BLK: variants seen among roughly 807,000 people sequenced by gnomAD.
The protein encoded by BLK is BLK proto-oncogene, Src family tyrosine kinase.
In BLK, 64 loss-of-function variants were observed where a neutral mutation model predicts 61.8. The ratio of observed to expected loss-of-function variants is 1.03; its 90% CI spans 0.85 to 1.27. The LOEUF is 1.27. Among genes scored for constraint, BLK ranks in the 50% most tolerant of loss-of-function variants. BLK has a pLI of 0.00. For synonymous variants in BLK, 351 were observed against 272.0 expected (o/e 1.29, Z -2.86); for missense variants, 853 against 660.5 (o/e 1.29, Z -3.19).
At chr8:11,554,715 C>T (rs1219872923) in intron 6 of BLK, 28 bp from the exon 7 acceptor site, 1 of 1,611,098 alleles carries the variant, frequency 6.2e-7, no homozygotes, top group Non-Finnish European at 8.5e-7. Context: ...TGCCTTACTT[C>T]TCGTGTGTGT....
In BLK at chr8:11,550,239, T is replaced by C. The variant is rs200916733; in HGVS notation, c.449T>C (p.Ile150Thr). The change falls in exon 6 of 13, where the codon ATC becomes ACC. Residue 150 changes from isoleucine (I) to threonine (T), a missense_variant. Physicochemically the swap from Ile to Thr is moderately conservative, Grantham distance 89. Coordinates refer to ENST00000259089, the MANE Select transcript of BLK (RefSeq NM_001715.3). ...ATCAACAAGGCCGGCTCCTTTCTTA[T>C]CAGAGAGAGTGAAACCAACAAAGGT... ...APINKAGSFL[I>T]RESETNKGAF... The C allele has an allele frequency of 1.9e-6, 3 of 1,613,848 alleles. No homozygotes were observed. The highest frequency in any genetic ancestry group is 1.3e-5 in the African/African-American group (1 of 74,930).
chr8:11,547,169 C>A (rs1800684832), intron 3 of BLK, among the ~76,000 whole-genome samples: 1 of 152,264 alleles, frequency 6.6e-6, no homozygotes, highest in Non-Finnish European at 1.5e-5. Context: ...AGATGCGACC[C>A]CTTCCCTGGA....
At position 11,564,086 on chromosome 8, in the gene BLK, G is replaced by C. The variant is rs770844410; in HGVS notation, c.1496G>C (p.Arg499Pro). ...VLEDFYTATERQYELQP is the reference protein window; with the variant it reads ...VLEDFYTATEPQYELQP ...GAGGACTTCTACACGGCCACCGAGCGGCAGTACGAGCTGCAGCCCTAGCCG... is the reference window on the plus strand; with the variant it reads ...GAGGACTTCTACACGGCCACCGAGCCGCAGTACGAGCTGCAGCCCTAGCCG... Residue 499 changes from arginine to proline, a missense_variant, in exon 13 of 13, where the codon CGG (arginine) becomes CCG (proline). Physicochemically the swap from Arg to Pro is moderately radical, Grantham distance 103. Transcript: ENST00000259089. 5.7e-6 allele frequency: 9 copies of C among 1,585,834 alleles called. No individual in the cohort carries two copies. The highest frequency in any genetic ancestry group is 5.6e-5 in the South Asian group (5 of 88,712).
At chr8:11,526,774 T>C (rs1425193492) in intron 1 of BLK, among the ~76,000 whole-genome samples, 2 of 149,260 alleles carry the variant, frequency 1.3e-5, no homozygotes, top group Non-Finnish European at 3.0e-5. Context: ...TTTTACTGTG[T>C]TTCATCAGTA....
chr8:11,553,307 C>A, intron 6 of BLK: 1 of 373,214 alleles, frequency 2.7e-6, no homozygotes, highest in Non-Finnish European at 5.3e-6. Context: ...GGCGGTCCTT[C>A]AGTGCTGAGA....
intron 1 of BLK, among the ~76,000 whole-genome samples, chr8:11,497,156 C>T (rs1798389474): frequency 1.3e-5 from 2 of 152,164 alleles, no homozygotes; most frequent in Non-Finnish European, 2.9e-5. Flanking sequence ...CGCAGGAAGA[C>T]AGCACGTAGA....
At chr8:11,503,715 G>A (rs186379892) in intron 1 of BLK, among the ~76,000 whole-genome samples, 1 of 152,304 alleles carries the variant, frequency 6.6e-6, no homozygotes, top group African/African-American at 2.4e-5. Flanking sequence ...CCAGACTGGA[G>A]GTTCCTATGT....
At chr8:11,554,256 G>C (rs1801071018) in intron 6 of BLK, 1 of 198,134 alleles carries the variant, frequency 5.0e-6, no homozygotes, top group Non-Finnish European at 1.0e-5. Flanking sequence ...ACTTTGAACA[G>C]AGCCCCTGGG....
At chr8:11,527,086 C>T (rs78723545) in intron 1 of BLK, among the ~76,000 whole-genome samples, 2,825 of 151,388 alleles carry the variant, frequency 0.019, 52 homozygotes, top group African/African-American at 0.04. Context: ...CTTTCCTGTA[C>T]GTGCATGCTC....
chr8:11,503,490 T>G (rs923656099), intron 1 of BLK, among the ~76,000 whole-genome samples: 30 of 152,104 alleles, frequency 2.0e-4, no homozygotes, highest in Admixed American at 1.3e-3. Flanking sequence ...GGACGTGAGA[T>G]GCTCTATTTT....
At chr8:11,525,758 T>C (rs1799629343) in intron 1 of BLK, among the ~76,000 whole-genome samples, 2 of 152,194 alleles carry the variant, frequency 1.3e-5, no homozygotes, top group Admixed American at 6.5e-5. Context: ...TTTTGTTTTT[T>C]CTCTGAGACA....
chr8:11,564,171 T>A lies in BLK; in HGVS notation c.*63T>A. ...GCGGACGACCCCGACTTCCGTGCCATCCCAGACGGGCCGCGAAGGCGGGGT... is the reference window on the plus strand; with the variant it reads ...GCGGACGACCCCGACTTCCGTGCCAACCCAGACGGGCCGCGAAGGCGGGGT... On this transcript the variant is annotated 3_prime_UTR_variant, in exon 13 of 13. Transcript: ENST00000259089. The A allele has an allele frequency of 6.6e-7, 1 of 1,515,474 alleles. No homozygotes were observed. The highest frequency in any genetic ancestry group is 8.8e-7 in the Non-Finnish European group (1 of 1,129,996). The allele number at this position is 1,515,474 out of a possible 1,614,324, so 93.9% of individuals were successfully genotyped here.
At chr8:11,558,143 C>T in intron 10 of BLK, 105 bp downstream of exon 10, 1 of 1,186,004 alleles carries the variant, frequency 8.4e-7, no homozygotes, top group Non-Finnish European at 1.2e-6. Flanking sequence ...CAGGAGAAGT[C>T]AGGGGGTACT....
chr8:11,555,301 CCCCAG>C lies in BLK; in HGVS notation c.620-27_620-23del, dbSNP rs571695391. On this transcript the variant is annotated intron_variant, in intron 7 of 12. Transcript: ENST00000259089. ...GGTAGAGCCTGGCTGCTCTGGTAAC[CCCCAG>C]CCCTGTCTTTTCTTCCCTAATGCAG... 144 of 1,613,774 alleles carry C rather than the reference CCCCAG, an allele frequency of 8.9e-5. No individual in the cohort carries two copies. The East Asian group carries it at 2.6e-3, about 29-fold the overall frequency.
At chr8:11,508,488 T>A (rs537140101) in intron 1 of BLK, among the ~76,000 whole-genome samples, 1 of 152,252 alleles carries the variant, frequency 6.6e-6, no homozygotes, top group East Asian at 1.9e-4. Flanking sequence ...CTTGGCCCCC[T>A]CTTGGTGAGC....
chr8:11,515,494 C>G (rs913376392), intron 1 of BLK, among the ~76,000 whole-genome samples: 10 of 152,240 alleles, frequency 6.6e-5, no homozygotes, highest in East Asian at 1.9e-4. Flanking sequence ...CCTCCCTGCT[C>G]CCCTTTAATT....
At chr8:11,556,548 G>C in intron 8 of BLK, 110 bp from the exon 9 acceptor site, 1 of 1,322,386 alleles carries the variant, frequency 7.6e-7, no homozygotes. Flanking sequence ...TTCCAGCTCT[G>C]GCACCTGGAA....
intron 1 of BLK, among the ~76,000 whole-genome samples, chr8:11,511,007 G>A (rs140941565): frequency 6.6e-6 from 1 of 152,254 alleles, no homozygotes; most frequent in East Asian, 1.9e-4. Flanking sequence ...TCTCACCAGG[G>A]AGTCAGACTG....
chr8:11,521,541 T>G (rs1799447294), intron 1 of BLK, among the ~76,000 whole-genome samples: 1 of 152,266 alleles, frequency 6.6e-6, no homozygotes, highest in Admixed American at 6.5e-5. Flanking sequence ...TACGCCCACC[T>G]TAGCCTCCCA....
Sources: gnomAD v4.1 joint callset for allele counts (sites outside exome capture counted in the v4.1 genomes callset) on GRCh38, gnomAD v4.1.1 for gene constraint, MANE v1.5 for transcripts, NCBI Gene and HGNC (gene_info 2026-07-23, HGNC 2026-07-21) for gene names.